LRRC4C: variants seen among roughly 807,000 people sequenced by gnomAD.
The protein encoded by LRRC4C is leucine rich repeat containing 4C.
In LRRC4C, 5 loss-of-function variants were observed where a neutral mutation model predicts 33.6. The ratio of observed to expected loss-of-function variants is 0.15; its 90% CI spans 0.08 to 0.31. LRRC4C has a LOEUF of 0.31. Ranked by LOEUF, LRRC4C falls within the 10% of genes least tolerant of loss-of-function variation. The pLI is 1.00. For synonymous variants in LRRC4C, 329 were observed against 302.0 expected (o/e 1.09, Z -0.93); for missense variants, 560 against 796.7 (o/e 0.70, Z 3.58).
chr11:41,077,854 A>G (rs1350631515), intron 1 of LRRC4C, among the ~76,000 whole-genome samples: 2 of 152,158 alleles, frequency 1.3e-5, no homozygotes, highest in Admixed American at 1.3e-4. Flanking sequence ...TTTTAAACAT[A>G]AGCTTCAATT....
Position 40,990,231 on chromosome 11 carries a change from T to TGA in LRRC4C, c.-495-56509_-495-56508insTC, listed in dbSNP as rs1555030574. Among the ~76,000 whole-genome samples, 380 of 78,220 alleles carry TGA rather than the reference T, an allele frequency of 4.9e-3. 9 individuals are homozygous for TGA. Among genetic ancestry groups the TGA allele is most frequent in the African/African-American group, 0.016 (369 of 22,766 alleles). The allele number at this position is 78,220 out of a possible 152,430, so 51.3% of individuals were successfully genotyped here. ...AAATATTTGAATAGTATGTCAAGTT[T>TGA]TATATATATATATATATATATATAT... On this transcript the variant is annotated intron_variant, in intron 1 of 6. Coordinates refer to ENST00000528697, the MANE Select transcript of LRRC4C (RefSeq NM_001258419.2).
chr11:40,214,624 C>G (rs1273902366), intron 5 of LRRC4C, among the ~76,000 whole-genome samples: 2 of 152,130 alleles, frequency 1.3e-5, no homozygotes, highest in Non-Finnish European at 2.9e-5. Context: ...AGAGCTCACT[C>G]TCTCCCTGCT....
chr11:40,798,501 T>C (rs1415724406), intron 2 of LRRC4C, among the ~76,000 whole-genome samples: 1 of 152,172 alleles, frequency 6.6e-6, no homozygotes, highest in Non-Finnish European at 1.5e-5. Context: ...TCCATTTATG[T>C]TGCCTAATTT....
At chr11:40,488,263 G>A (rs927562185) in intron 3 of LRRC4C, among the ~76,000 whole-genome samples, 1 of 150,486 alleles carries the variant, frequency 6.6e-6, no homozygotes, top group African/African-American at 2.5e-5. Context: ...TCAAAAGCAC[G>A]CATACAGGGT....
intron 2 of LRRC4C, among the ~76,000 whole-genome samples, chr11:40,831,385 A>G (rs750671115): frequency 6.6e-6 from 1 of 151,784 alleles, no homozygotes; most frequent in Non-Finnish European, 1.5e-5. Context: ...CCCACTCAAT[A>G]CTCTCCAAGC....
At chr11:40,942,193 G>A (rs1406828585) in intron 1 of LRRC4C, among the ~76,000 whole-genome samples, 1 of 152,112 alleles carries the variant, frequency 6.6e-6, no homozygotes, top group Non-Finnish European at 1.5e-5. Flanking sequence ...GGAGTCCTAT[G>A]TTTTATAAGA....
intron 2 of LRRC4C, among the ~76,000 whole-genome samples, chr11:40,747,608 T>C (rs1281806669): frequency 2.0e-5 from 3 of 151,996 alleles, no homozygotes; most frequent in African/African-American, 4.8e-5. Flanking sequence ...TCAAATTATT[T>C]ATTCTAAAAA....
In LRRC4C at chr11:41,064,403, T is replaced by C. The variant is rs567253839; in HGVS notation, c.-495-130680A>G. On this transcript the variant is annotated intron_variant, in intron 1 of 6. Coordinates refer to ENST00000528697, the MANE Select transcript of LRRC4C (RefSeq NM_001258419.2). The stretch of plus-strand genomic sequence containing the variant: ...AAGTAGCCCATTTGTGTTTGACAAA[T>C]AGGAAATAATGACAGCATAAGAAAA... Among the ~76,000 whole-genome samples the C allele has an allele frequency of 8.7e-4, 133 of 152,290 alleles. 1 individual carries two copies. The highest frequency in any genetic ancestry group is 8.7e-4 in the Non-Finnish European group (59 of 68,006).
intron 1 of LRRC4C, among the ~76,000 whole-genome samples, chr11:41,036,125 A>G (rs1466704537): frequency 1.3e-5 from 2 of 152,150 alleles, no homozygotes; most frequent in African/African-American, 4.8e-5. Context: ...AGAGATTTCT[A>G]TGAGGGTTGG....
chr11:40,267,436 C>A lies in LRRC4C; in HGVS notation c.-175-25838G>T, dbSNP rs191695863. On this transcript the variant is annotated intron_variant, in intron 4 of 6. Coordinates refer to ENST00000528697, the MANE Select transcript of LRRC4C (RefSeq NM_001258419.2). ...GCACAAGCTCCACTCACTGCAAGCTCTGCCTCCCTGGTTCACGCCATTCTC... is the reference window on the plus strand; with the variant it reads ...GCACAAGCTCCACTCACTGCAAGCTATGCCTCCCTGGTTCACGCCATTCTC... 4.5e-3 allele frequency among the ~76,000 whole-genome samples: 683 copies of A among 152,288 alleles called. 6 individuals carry two copies. Among genetic ancestry groups the A allele is most frequent in the Non-Finnish European group, 8.0e-3 (546 of 68,020 alleles).
intron 2 of LRRC4C, among the ~76,000 whole-genome samples, chr11:40,817,105 C>T (rs961478946): frequency 1.4e-4 from 22 of 152,086 alleles, no homozygotes; most frequent in African/African-American, 4.8e-4. Context: ...AAATAAGGAT[C>T]GAAAGCTAGA....
intron 3 of LRRC4C, among the ~76,000 whole-genome samples, chr11:40,597,256 A>C (rs1456387446): frequency 6.6e-6 from 1 of 152,186 alleles, no homozygotes; most frequent in South Asian, 2.1e-4. Flanking sequence ...TATATGCACC[A>C]TATTAGTCAA....
intron 4 of LRRC4C, among the ~76,000 whole-genome samples, chr11:40,258,549 C>T (rs945905195): frequency 1.3e-5 from 2 of 152,140 alleles, no homozygotes; most frequent in Non-Finnish European, 2.9e-5. Context: ...GCAAAATGCT[C>T]CTTATAGAGA....
intron 1 of LRRC4C, among the ~76,000 whole-genome samples, chr11:41,280,637 C>T (rs940437763): frequency 3.9e-5 from 6 of 152,278 alleles, no homozygotes; most frequent in Admixed American, 6.5e-5. Flanking sequence ...AACGGTTCCA[C>T]ACTTGTCAGA....
chr11:40,546,641 G>T (rs1195584366), intron 3 of LRRC4C, among the ~76,000 whole-genome samples: 1 of 152,032 alleles, frequency 6.6e-6, no homozygotes. Context: ...TAGTTGCAAT[G>T]CATACTTGCT....
In LRRC4C at chr11:41,094,816, T is replaced by A. The variant is rs558056035; in HGVS notation, c.-495-161093A>T. ...CATAACAGATGCTCATCAATATTTATTGAATAGATAATTTTTTAAACTAGG... is the reference window on the plus strand; with the variant it reads ...CATAACAGATGCTCATCAATATTTAATGAATAGATAATTTTTTAAACTAGG... On this transcript the variant is annotated intron_variant, in intron 1 of 6. Transcript: ENST00000528697. 3.9e-5 allele frequency among the ~76,000 whole-genome samples: 6 copies of A among 152,306 alleles called. No homozygotes were observed. In the South Asian group the frequency reaches 1.2e-3, roughly 32 times the overall value.
chr11:40,233,130 T>C (rs1197851756), intron 5 of LRRC4C, among the ~76,000 whole-genome samples: 1 of 152,204 alleles, frequency 6.6e-6, no homozygotes, highest in African/African-American at 2.4e-5. Context: ...GACCTTTAAA[T>C]ATACTGTTGC....
intron 3 of LRRC4C, among the ~76,000 whole-genome samples, chr11:40,625,304 G>A (rs1962821608): frequency 6.6e-6 from 1 of 152,084 alleles, no homozygotes; most frequent in East Asian, 1.9e-4. Flanking sequence ...ACCCAAGACT[G>A]GGTAACTTAC....
intron 2 of LRRC4C, among the ~76,000 whole-genome samples, chr11:40,747,548 G>A (rs1346266565): frequency 2.6e-5 from 4 of 151,936 alleles, no homozygotes; most frequent in Non-Finnish European, 5.9e-5. Flanking sequence ...TAATTCTCCA[G>A]CAACAGAGCA....
Sources: gnomAD v4.1 joint callset for allele counts (sites outside exome capture counted in the v4.1 genomes callset) on GRCh38, gnomAD v4.1.1 for gene constraint, MANE v1.5 for transcripts, NCBI Gene and HGNC (gene_info 2026-07-23, HGNC 2026-07-21) for gene names.